Variants in TRADD observed in about 807,000 individuals in gnomAD.
TRADD encodes the protein TNFRSF1A associated via death domain, also known as tumor necrosis factor receptor type 1-associated DEATH domain protein.
Under a neutral mutation model 31.5 loss-of-function variants are expected in TRADD, and 14 were observed. That is an observed-to-expected ratio of 0.44 (90% CI 0.29 to 0.69). TRADD has a LOEUF of 0.69. Among genes scored for constraint, TRADD ranks in the 30% least tolerant of loss-of-function variants. The pLI is 0.11. For synonymous variants in TRADD, 220 were observed against 215.8 expected (o/e 1.02, Z -0.17); for missense variants, 388 against 435.7 (o/e 0.89, Z 0.97).
rs761212773 is a variant in TRADD at position 67,156,318 on chromosome 16, TAC to T, written c.151+190_151+191del. On this transcript the variant is annotated intron_variant, in intron 2 of 4. Coordinates refer to ENST00000345057, the MANE Select transcript of TRADD (RefSeq NM_003789.4). The surrounding 1 kb of genome is among the most constrained non-coding windows in gnomAD (Gnocchi z 4.6). ...CGTTAGTGCACAAATTGGTAAATCATACACAGACTCGAGAACACACGCCTATC... is the reference window on the plus strand; with the variant it reads ...CGTTAGTGCACAAATTGGTAAATCATACAGACTCGAGAACACACGCCTATC... 5.2e-6 allele frequency: 6 copies of T among 1,151,216 alleles called. No individual in the cohort carries two copies. The African/African-American group carries it at 6.1e-5, about 12-fold the overall frequency. 71.3% of individuals were successfully genotyped at this position (1,151,216 alleles called of 1,614,324 possible). A position where few individuals can be genotyped will look rare whatever the true frequency, so the allele number is the denominator to read the frequency against.
Position 67,156,358 on chromosome 16 carries a change from C to CCA in TRADD, c.151+150_151+151dup, listed in dbSNP as rs2030697033. On this transcript the variant is annotated intron_variant, in intron 2 of 4. Coordinates refer to ENST00000345057, the MANE Select transcript of TRADD (RefSeq NM_003789.4). This position sits in a 1 kb window ranked among gnomAD's most constrained non-coding sequence, Gnocchi z 4.6. Reference sequence around the variant, plus strand: ...ACACACGCCTATCCTCAAGGTCATGCCACAAGCAAAGAAGAGAGTCTGCAC... The same window carrying CCA: ...ACACACGCCTATCCTCAAGGTCATGCCACACAAGCAAAGAAGAGAGTCTGCAC... 7.7e-7 allele frequency: 1 copy of CCA among 1,295,864 alleles called. No homozygotes were observed. The highest frequency in any genetic ancestry group is 1.5e-5 in the African/African-American group (1 of 68,110). The allele number at this position is 1,295,864 out of a possible 1,614,324, so 80.3% of individuals were successfully genotyped here.
Position 67,155,507 on chromosome 16 carries a change from T to C in TRADD, c.299A>G (p.Gln100Arg). ...YREGALRAALQRSLAAALAQH... is the reference protein window; with the variant it reads ...YREGALRAALRRSLAAALAQH... ...GGCGAGCGCGGCCGCCAGGCTCCTCTGCAGCGCGGCGCGCAGCGCCCCCTC... is the reference window on the plus strand; with the variant it reads ...GGCGAGCGCGGCCGCCAGGCTCCTCCGCAGCGCGGCGCGCAGCGCCCCCTC... The change falls in exon 3 of 5, where the codon CAG (glutamine) becomes CGG (arginine). Residue 100 changes from glutamine to arginine, a missense_variant. Coordinates refer to ENST00000345057, the MANE Select transcript of TRADD (RefSeq NM_003789.4). The C allele has an allele frequency of 6.5e-7, 1 of 1,536,416 alleles. No individual in the cohort carries two copies. The highest frequency in any genetic ancestry group is 8.7e-7 in the Non-Finnish European group (1 of 1,149,352).
At position 67,154,666 on chromosome 16, in the gene TRADD, T is replaced by C. The variant is rs1389184207; in HGVS notation, c.922A>G (p.Asn308Asp). ...CCCCTGGTCTAGGCCAGGCCGCCAT[T>C]GGGATCGGTCAGGCCCAGCAAGTCC... ...AEDLLGLTDPNGGLA is the reference protein window; with the variant it reads ...AEDLLGLTDPDGGLA Residue 308 changes from asparagine (N) to aspartate (D), a missense_variant, in exon 5 of 5, where the codon AAT becomes GAT. Transcript: ENST00000345057. This position sits in a 1 kb window ranked among gnomAD's most constrained non-coding sequence, Gnocchi z 5.2. 1.2e-6 allele frequency: 2 copies of C among 1,612,690 alleles called. No individual in the cohort carries two copies. The highest frequency in any genetic ancestry group is 2.7e-5 in the African/African-American group (2 of 74,934).
rs754195048 is a variant in TRADD, at chr16:67,154,676, C to T, written c.912G>A (p.Leu304=). The T allele has an allele frequency of 1.9e-6, 3 of 1,612,866 alleles. No individual in the cohort carries two copies. The South Asian group carries it at 3.3e-5, about 18-fold the overall frequency. ...AGGCCAGGCCGCCATTGGGATCGGT[C>T]AGGCCCAGCAAGTCCTCTGCCAGGC... ...LTSLAEDLLG[L]TDPNGGLA is the part of the protein sequence containing the mutation. Residue 304 remains leucine, a synonymous_variant, in exon 5 of 5, where the codon CTG becomes CTA. Coordinates refer to ENST00000345057, the MANE Select transcript of TRADD (RefSeq NM_003789.4). The surrounding 1 kb of genome is among the most constrained non-coding windows in gnomAD (Gnocchi z 5.2).
In TRADD at chr16:67,156,488, A is replaced by G. The variant is rs2030701582; in HGVS notation, c.151+22T>C. 6.2e-7 allele frequency: 1 copy of G among 1,608,610 alleles called. No individual in the cohort carries two copies. Among genetic ancestry groups the G allele is most frequent in the Non-Finnish European group, 8.5e-7 (1 of 1,179,950 alleles). ...TGCTCCAGGCCACCCCTTCCTCTCC[A>G]CATGCCCGCCCATCCACGCACCTGC... On this transcript the variant is annotated intron_variant, in intron 2 of 4. Transcript: ENST00000345057. This position sits in a 1 kb window ranked among gnomAD's most constrained non-coding sequence, Gnocchi z 4.6.
Position 67,154,820 on chromosome 16 carries a change from G to A in TRADD, c.768C>T (p.Tyr256=), listed in dbSNP as rs1354771497. 1.3e-6 allele frequency: 2 copies of A among 1,592,308 alleles called. No homozygotes were observed. The highest frequency in any genetic ancestry group is 1.7e-6 in the Non-Finnish European group (2 of 1,170,572). ...CCTGCTCGTACAGTCCCTCGCGCTC[G>A]TACTCGTAGGCCAGCGAGTCCAGCG... ...DPALDSLAYE[Y]EREGLYEQAF... is the part of the protein sequence containing the mutation. The change falls in exon 5 of 5, where the codon TAC becomes TAT. Residue 256 remains tyrosine (Y), a synonymous_variant. Transcript: ENST00000345057. The surrounding 1 kb of genome is among the most constrained non-coding windows in gnomAD (Gnocchi z 5.2).
chr16:67,155,696 C>A, intron 2 of TRADD, 42 bp from the exon 3 acceptor site: 1 of 1,529,912 alleles, frequency 6.5e-7, no homozygotes, highest in East Asian at 2.4e-5. Context: ...TCCCCAAGCT[C>A]GGCCGTTCTC....
chr16:67,159,519 C>G lies in TRADD; in HGVS notation c.-9+319G>C, dbSNP rs568321889. Among the ~76,000 whole-genome samples the G allele has an allele frequency of 6.6e-6, 1 of 152,318 alleles. No individual in the cohort carries two copies. Among genetic ancestry groups the G allele is most frequent in the African/African-American group, 2.4e-5 (1 of 41,566 alleles). On this transcript the variant is annotated intron_variant, in intron 1 of 4. Coordinates refer to ENST00000345057, the MANE Select transcript of TRADD (RefSeq NM_003789.4). This position sits in a 1 kb window ranked among gnomAD's most constrained non-coding sequence, Gnocchi z 6.8. ...CTAGCCCACCCTCAAGCTGGGGTTT[C>G]GCACGTGCGATCGGCTGGGGTGGGC... is the stretch of plus-strand genomic sequence containing the variant.
In TRADD at chr16:67,154,949, C is replaced by T; in HGVS notation, c.639G>A (p.Pro213=). 1 of 1,609,320 alleles carries T rather than the reference C, an allele frequency of 6.2e-7. No individual in the cohort carries two copies. ...LFQGQPVVNR[P]LSLKDQQTFA... ...ACGTCTGTTGGTCCTTCAGGCTCAG[C>T]GGCCGATTCACTGCAGAGGGAGTGG... The change falls in exon 5 of 5, where the codon CCG becomes CCA. Residue 213 remains proline, a synonymous_variant. Transcript: ENST00000345057. The surrounding 1 kb of genome is among the most constrained non-coding windows in gnomAD (Gnocchi z 5.2).
Position 67,156,631 on chromosome 16 carries a change from C to G in TRADD, c.30G>C (p.Glu10Asp). Residue 10 changes from glutamate to aspartate, a missense_variant, in exon 2 of 5, where the codon GAG (glutamate) becomes GAC (aspartate). Coordinates refer to ENST00000345057, the MANE Select transcript of TRADD (RefSeq NM_003789.4). This position sits in a 1 kb window ranked among gnomAD's most constrained non-coding sequence, Gnocchi z 4.6. MAAGQNGHEEWVGSAYLFVE... is the reference protein window; with the variant it reads MAAGQNGHEDWVGSAYLFVE... ...CAAACAGGTATGCGCTGCCCACCCA[C>G]TCTTCGTGCCCATTTTGCCCAGCTG... 6.2e-7 allele frequency: 1 copy of G among 1,614,136 alleles called. No individual in the cohort carries two copies. The highest frequency in any genetic ancestry group is 8.5e-7 in the Non-Finnish European group (1 of 1,180,038).
rs1218367946 is a variant in TRADD, at chr16:67,159,260, C to A, written c.-9+578G>T. ...AGTTTGGTGGCCGGAGACTGTGGGGCGCTTAGGTACCGACCTAACAACTTC... is the reference window on the plus strand; with the variant it reads ...AGTTTGGTGGCCGGAGACTGTGGGGAGCTTAGGTACCGACCTAACAACTTC... On this transcript the variant is annotated intron_variant, in intron 1 of 4. Transcript: ENST00000345057. The surrounding 1 kb of genome is among the most constrained non-coding windows in gnomAD (Gnocchi z 6.8). Among the ~76,000 whole-genome samples the A allele has an allele frequency of 6.6e-6, 1 of 152,210 alleles. No homozygotes were observed.
intron 3 of TRADD, 28 bp downstream of exon 3, chr16:67,155,349 C>T: frequency 6.2e-7 from 1 of 1,604,538 alleles, no homozygotes; most frequent in Non-Finnish European, 8.5e-7. Flanking sequence ...CCCCGCCCTA[C>T]CCCATCCTGA....
Position 67,156,247 on chromosome 16 carries a change from A to C in TRADD, c.151+263T>G. ...GAGAGAGACATCCACAATTAGTAGA[A>C]AGGAGTGAGCCGGCTGGTGGAGGGG... On this transcript the variant is annotated intron_variant, in intron 2 of 4. Coordinates refer to ENST00000345057, the MANE Select transcript of TRADD (RefSeq NM_003789.4). This position sits in a 1 kb window ranked among gnomAD's most constrained non-coding sequence, Gnocchi z 4.6. The C allele has an allele frequency of 6.9e-7, 1 of 1,439,836 alleles. No individual in the cohort carries two copies. The highest frequency in any genetic ancestry group is 9.3e-7 in the Non-Finnish European group (1 of 1,078,422). The allele number at this position is 1,439,836 out of a possible 1,614,324, so 89.2% of individuals were successfully genotyped here.
At position 67,156,127 on chromosome 16, in the gene TRADD, T is replaced by G. The variant is rs1049721001; in HGVS notation, c.151+383A>C. 1 of 1,353,042 alleles carries G rather than the reference T, an allele frequency of 7.4e-7. No homozygotes were observed. Among genetic ancestry groups the G allele is most frequent in the Non-Finnish European group, 9.7e-7 (1 of 1,031,328 alleles). 83.8% of individuals were successfully genotyped at this position (1,353,042 alleles called of 1,614,324 possible). ...TCCCCCAACCCGCTTCAGCCTCCTG[T>G]GGCCTCTGCCCTGAGATGGGAAAGG... On this transcript the variant is annotated intron_variant, in intron 2 of 4. Transcript: ENST00000345057. The surrounding 1 kb of genome is among the most constrained non-coding windows in gnomAD (Gnocchi z 4.6).
rs2030693407 is a variant in TRADD at position 67,156,258 on chromosome 16, C to T, written c.151+252G>A. On this transcript the variant is annotated intron_variant, in intron 2 of 4. Coordinates refer to ENST00000345057, the MANE Select transcript of TRADD (RefSeq NM_003789.4). The surrounding 1 kb of genome is among the most constrained non-coding windows in gnomAD (Gnocchi z 4.6). ...CCACAATTAGTAGAAAGGAGTGAGC[C>T]GGCTGGTGGAGGGGGGCGGGGATGG... is the stretch of plus-strand genomic sequence containing the variant. 6 of 1,367,884 alleles carry T rather than the reference C, an allele frequency of 4.4e-6. No homozygotes were observed. Among genetic ancestry groups the T allele is most frequent in the African/African-American group, 2.9e-5 (2 of 68,972 alleles). The allele number at this position is 1,367,884 out of a possible 1,614,324, so 84.7% of individuals were successfully genotyped here. A position where few individuals can be genotyped will look rare whatever the true frequency, so the allele number is the denominator to read the frequency against.
At position 67,154,924 on chromosome 16, in the gene TRADD, AC is replaced by A. The variant is rs763356471; in HGVS notation, c.663del (p.Phe222SerfsTer83). On this transcript the variant is annotated frameshift_variant, in exon 5 of 5. Transcript: ENST00000345057. LOFTEE classifies it high-confidence loss of function. This position sits in a 1 kb window ranked among gnomAD's most constrained non-coding sequence, Gnocchi z 5.2. ...CATTTGAGACCCACAGAGCGCGCGA[AC>A]GTCTGTTGGTCCTTCAGGCTCAGCG... The part of the protein sequence containing the change: ...NRPLSLKDQQ[T>X]FARSVGLKWR... 6.2e-7 allele frequency: 1 copy of A among 1,609,264 alleles called. No homozygotes were observed. The highest frequency in any genetic ancestry group is 1.3e-5 in the African/African-American group (1 of 74,848).
At chr16:67,155,042 C>A in intron 4 of TRADD, 54 bp downstream of exon 4, 2 of 1,538,626 alleles carry the variant, frequency 1.3e-6, no homozygotes, top group Non-Finnish European at 1.8e-6. Context: ...ACGACCCCTG[C>A]CCCTCCCCAG....
chr16:67,155,488 C>T lies in TRADD; in HGVS notation c.318G>A (p.Ala106=). 6.4e-7 allele frequency: 1 copy of T among 1,563,914 alleles called. No individual in the cohort carries two copies. The highest frequency in any genetic ancestry group is 8.6e-7 in the Non-Finnish European group (1 of 1,162,264). ...RAALQRSLAA[A]LAQHSVPLQL... ...GCAGCGGCACCGAGTGCTGGGCGAG[C>T]GCGGCCGCCAGGCTCCTCTGCAGCG... Residue 106 remains alanine, a synonymous_variant, in exon 3 of 5, where the codon GCG becomes GCA. Transcript: ENST00000345057.
In TRADD at chr16:67,154,561, G is replaced by C. The variant is rs1364411058; in HGVS notation, c.*88C>G. On this transcript the variant is annotated 3_prime_UTR_variant, in exon 5 of 5. Coordinates refer to ENST00000345057, the MANE Select transcript of TRADD (RefSeq NM_003789.4). The surrounding 1 kb of genome is among the most constrained non-coding windows in gnomAD (Gnocchi z 5.2). ...CAGATAGGCCAAGTGGAGTTTCAGG[G>C]TCCCGTGGATGGACAGGGGTTCAGC... is the stretch of plus-strand genomic sequence containing the variant. 4.0e-6 allele frequency: 6 copies of C among 1,493,122 alleles called. No homozygotes were observed. Among genetic ancestry groups the C allele is most frequent in the Non-Finnish European group, 5.4e-6 (6 of 1,104,498 alleles). The allele number at this position is 1,493,122 out of a possible 1,614,324, so 92.5% of individuals were successfully genotyped here. A position where few individuals can be genotyped will look rare whatever the true frequency, so the allele number is the denominator to read the frequency against.
Sources: allele counts gnomAD v4.1 joint callset (sites outside exome capture counted in the v4.1 genomes callset), GRCh38; gene constraint gnomAD v4.1.1; non-coding constraint Gnocchi (gnomAD v3.1); transcripts MANE v1.5; gene names NCBI Gene and HGNC (gene_info 2026-07-23, HGNC 2026-07-21).